NXPE2: variants seen among roughly 807,000 people sequenced by gnomAD.
The protein encoded by NXPE2 is neurexophilin and PC-esterase domain family member 2.
Under a neutral mutation model 34.4 loss-of-function variants are expected in NXPE2, and 34 were observed. The ratio of observed to expected loss-of-function variants is 0.99; its 90% CI spans 0.75 to 1.31. The LOEUF is 1.31. NXPE2 is among the 40% of genes most tolerant of loss of function. The probability of loss-of-function intolerance (pLI) is 0.00; values close to 1 mark genes in which losing one functional copy is unlikely to be tolerated. For synonymous variants in NXPE2, 235 were observed against 231.3 expected, an observed-to-expected ratio of 1.02 and a Z score of -0.15; for missense variants, 649 against 672.5, an observed-to-expected ratio of 0.97 and a Z score of 0.39.
At chr11:114,732,872 T>C in the NXPE2 span, among the ~76,000 whole-genome samples, 2 of 152,084 alleles carry the variant, frequency 1.3e-5, no homozygotes, top group Non-Finnish European at 2.9e-5. Flanking sequence ...ATCTGGCCCA[T>C]CAATTGGGTC....
chr11:114,627,202 C>A, the NXPE2 span, among the ~76,000 whole-genome samples: 1 of 151,518 alleles, frequency 6.6e-6, no homozygotes, highest in Admixed American at 6.6e-5. Flanking sequence ...AGAGCAACCC[C>A]AAGACACATA....
the NXPE2 span, among the ~76,000 whole-genome samples, chr11:114,486,475 C>G: frequency 6.6e-6 from 1 of 152,032 alleles, no homozygotes; most frequent in Non-Finnish European, 1.5e-5. Flanking sequence ...GGATTGTTTC[C>G]TTTGCTGTAC....
At chr11:114,761,086 A>G in the NXPE2 span, among the ~76,000 whole-genome samples, 1 of 152,316 alleles carries the variant, frequency 6.6e-6, no homozygotes, top group African/African-American at 2.4e-5. Flanking sequence ...CTTTGCATCC[A>G]CACTAAGATC....
At chr11:114,523,782 A>G in the NXPE2 span, among the ~76,000 whole-genome samples, 2 of 152,262 alleles carry the variant, frequency 1.3e-5, no homozygotes, top group Admixed American at 1.3e-4. Context: ...TTCTCCTGTC[A>G]TGTTTCCTTA....
At chr11:114,651,759 G>A in the NXPE2 span, among the ~76,000 whole-genome samples, 1 of 152,154 alleles carries the variant, frequency 6.6e-6, no homozygotes, top group African/African-American at 2.4e-5. Flanking sequence ...TGTTTTTACA[G>A]AGTGCTGATT....
chr11:114,650,586 C>T, the NXPE2 span, among the ~76,000 whole-genome samples: 1 of 152,210 alleles, frequency 6.6e-6, no homozygotes, highest in South Asian at 2.1e-4. Context: ...AAAATCTACA[C>T]TGCAAAGGGA....
the NXPE2 span, among the ~76,000 whole-genome samples, chr11:114,589,522 T>C: frequency 2.6e-5 from 4 of 152,136 alleles, no homozygotes; most frequent in African/African-American, 9.7e-5. Context: ...TTTTAAATCA[T>C]GCCTGAAAGT....
chr11:114,633,611 A>C, the NXPE2 span, among the ~76,000 whole-genome samples: 98,872 of 145,048 alleles, frequency 0.68, 33,577 homozygotes, highest in African/African-American at 0.76. Flanking sequence ...TATCCCTCCC[A>C]CCCTGCCCCC....
At chr11:114,806,243 A>G in the NXPE2 span, among the ~76,000 whole-genome samples, 2 of 152,252 alleles carry the variant, frequency 1.3e-5, no homozygotes, top group East Asian at 1.9e-4. Flanking sequence ...CAAAGATGGG[A>G]AAAAAACAGA....
chr11:114,683,484 G>A (rs1381379089), intron 2 of NXPE2, among the ~76,000 whole-genome samples: 9 of 147,948 alleles, frequency 6.1e-5, no homozygotes, highest in African/African-American at 2.0e-4. Context: ...GCAGTGGCAC[G>A]ACCTCGGCTC....
chr11:114,786,202 G>A, the NXPE2 span, among the ~76,000 whole-genome samples: 4 of 152,204 alleles, frequency 2.6e-5, no homozygotes, highest in Non-Finnish European at 5.9e-5. Context: ...CCCCGCAGCA[G>A]CAGTTTGTAT....
chr11:114,583,744 A>G, the NXPE2 span: 5 of 510,366 alleles, frequency 9.8e-6, no homozygotes, highest in African/African-American at 1.9e-5. Context: ...TGGAACTGCT[A>G]AAGTATCACC....
At chr11:114,584,840 A>T in the NXPE2 span, 2 of 152,208 alleles carry the variant, frequency 1.3e-5, no homozygotes, top group Non-Finnish European at 2.9e-5. Context: ...AGAAATTAAG[A>T]CCCTGAGCCC....
chr11:114,580,058 A>G, the NXPE2 span: 4 of 1,272,162 alleles, frequency 3.1e-6, no homozygotes, highest in Non-Finnish European at 2.3e-6. Flanking sequence ...AATTTCCCAT[A>G]TTCCCTTCTC....
chr11:114,705,979 T>C lies in NXPE2; in HGVS notation c.1127T>C (p.Leu376Ser). ...DSTLHQWIYY[L>S]QKAVKTLKYF... The stretch of plus-strand genomic sequence containing the variant: ...ACACTGCATCAGTGGATTTACTACT[T>C]ACAAAAAGCTGTGAAAAGTATGTAT... Residue 376 changes from leucine (L) to serine (S), a missense_variant, in exon 5 of 6, where the codon TTA becomes TCA. Leu to Ser is a moderately radical substitution (Grantham distance 145, BLOSUM62 -2). Transcript: ENST00000389586. 1 of 1,400,226 alleles carries C rather than the reference T, an allele frequency of 7.1e-7. No homozygotes were observed. The highest frequency in any genetic ancestry group is 9.3e-7 in the Non-Finnish European group (1 of 1,070,782). The allele number at this position is 1,400,226 out of a possible 1,614,324, so 86.7% of individuals were successfully genotyped here.
the NXPE2 span, among the ~76,000 whole-genome samples, chr11:114,775,010 G>A: frequency 6.6e-6 from 1 of 152,206 alleles, no homozygotes; most frequent in Non-Finnish European, 1.5e-5. Flanking sequence ...TGAAATTATA[G>A]TAAGTCCTAC....
At chr11:114,628,969 A>C in the NXPE2 span, among the ~76,000 whole-genome samples, 900 of 151,972 alleles carry the variant, frequency 5.9e-3, 8 homozygotes, top group Non-Finnish European at 9.8e-3. Context: ...AAGACTAAAC[A>C]AGGAAGAAGT....
the NXPE2 span, chr11:114,583,615 T>C: frequency 8.4e-6 from 5 of 594,122 alleles, no homozygotes; most frequent in Admixed American, 9.3e-5. Context: ...TGGCAAGTGC[T>C]GTGAAACTTA....
At chr11:114,490,076 A>G in the NXPE2 span, among the ~76,000 whole-genome samples, 1 of 152,194 alleles carries the variant, frequency 6.6e-6, no homozygotes, top group South Asian at 2.1e-4. Context: ...ACAAACAGAG[A>G]GCCAAATCAT....
Sources: allele counts gnomAD v4.1 joint callset (sites outside exome capture counted in the v4.1 genomes callset), GRCh38; gene constraint gnomAD v4.1.1; transcripts MANE v1.5; gene names NCBI Gene and HGNC (gene_info 2026-07-23, HGNC 2026-07-21).